Variants in BFSP2 observed in about 807,000 individuals in gnomAD.
BFSP2 encodes beaded filament structural protein 2.
BFSP2 carries 38 observed loss-of-function variants against 44.9 expected under a neutral mutation model. That is an observed-to-expected ratio of 0.85 (90% CI 0.65 to 1.11). The LOEUF (loss-of-function observed/expected upper bound fraction) is 1.11, where lower values mean the gene tolerates loss of function less well. Among genes scored for constraint, BFSP2 ranks in the 50% least tolerant of loss-of-function variants. BFSP2 has a pLI of 0.00. For missense variants in BFSP2, 525 were observed against 533.0 expected, an observed-to-expected ratio of 0.99 and a Z score of 0.15; for synonymous variants, 197 against 209.9, an observed-to-expected ratio of 0.94 and a Z score of 0.53.
rs766932682 is a variant in BFSP2, at chr3:133,400,232, T to G, written c.149T>G (p.Leu50Arg). The change falls in exon 1 of 7, where the codon CTT becomes CGT. Residue 50 changes from leucine to arginine, a missense_variant. Transcript: ENST00000302334. This position sits in a 1 kb window ranked among gnomAD's most constrained non-coding sequence, Gnocchi z 4.0. ...TCCAGGACCAATGCCATGAGTGGCC[T>G]TGTCCGAGCACCCGGGGTCTATGTA... is the stretch of plus-strand genomic sequence containing the variant. Reference protein sequence around the residue: ...PASRTNAMSGLVRAPGVYVGT... With the variant: ...PASRTNAMSGRVRAPGVYVGT... The G allele has an allele frequency of 1.2e-6, 2 of 1,613,858 alleles. No homozygotes were observed. Among genetic ancestry groups the G allele is most frequent in the African/African-American group, 2.7e-5 (2 of 74,934 alleles).
chr3:133,436,731 A>T (rs1012625980), intron 1 of BFSP2, among the ~76,000 whole-genome samples: 2 of 152,156 alleles, frequency 1.3e-5, no homozygotes, highest in Non-Finnish European at 2.9e-5. Context: ...CATTAGGTAT[A>T]TCTCCTAATG....
chr3:133,467,199 G>A (rs1033849403), intron 5 of BFSP2, among the ~76,000 whole-genome samples: 3 of 152,190 alleles, frequency 2.0e-5, no homozygotes, highest in Non-Finnish European at 2.9e-5. Context: ...AATGTTGACT[G>A]TTAACATCTG....
chr3:133,433,453 C>T (rs917595159), intron 1 of BFSP2, among the ~76,000 whole-genome samples: 1 of 152,186 alleles, frequency 6.6e-6, no homozygotes, highest in African/African-American at 2.4e-5. Flanking sequence ...ATTCAGGCCC[C>T]CTCCCTTTCC....
In BFSP2 at chr3:133,475,044, G is replaced by C; in HGVS notation, c.*72G>C. ...GCTGACCCAAGAAGTTGCTTGAGGA[G>C]CTTTCTCCTGAGCTCCAGTCCCTGC... On this transcript the variant is annotated 3_prime_UTR_variant, in exon 7 of 7. Transcript: ENST00000302334. 1 of 1,584,474 alleles carries C rather than the reference G, an allele frequency of 6.3e-7. No individual in the cohort carries two copies. The highest frequency in any genetic ancestry group is 1.7e-5 in the Admixed American group (1 of 59,986).
chr3:133,418,116 T>TTCTACTCACCCCTGTCCTCTCCCC (rs1159413514), intron 1 of BFSP2, among the ~76,000 whole-genome samples: 1 of 59,524 alleles, frequency 1.7e-5, no homozygotes, highest in East Asian at 6.0e-4. Context: ...GCCCTCTACC[T>TTCTACTCACCCCTGTCCTCTCCCC]TCTACTCACC....
At chr3:133,472,011 C>G (rs565955035) in intron 5 of BFSP2, among the ~76,000 whole-genome samples, 3 of 152,204 alleles carry the variant, frequency 2.0e-5, no homozygotes, top group East Asian at 3.9e-4. Context: ...TCATTTGTCT[C>G]TCTCAATCCC....
At chr3:133,441,987 T>TA (rs2073849598) in intron 1 of BFSP2, among the ~76,000 whole-genome samples, 1 of 152,030 alleles carries the variant, frequency 6.6e-6, no homozygotes, top group Non-Finnish European at 1.5e-5. Context: ...GAGGGACTGG[T>TA]ATGGTCCAGA....
At chr3:133,466,590 G>A (rs902935985) in intron 4 of BFSP2, among the ~76,000 whole-genome samples, 5 of 145,612 alleles carry the variant, frequency 3.4e-5, no homozygotes, top group East Asian at 2.0e-4. Context: ...CAGGAGAATC[G>A]CTTGAACCCA....
At chr3:133,415,366 A>ACTCACCCCTCTC (rs2073511525) in intron 1 of BFSP2, among the ~76,000 whole-genome samples, 4 of 11,276 alleles carry the variant, frequency 3.5e-4, no homozygotes, top group Non-Finnish European at 5.0e-4. Flanking sequence ...TCACCCCTCT[A>ACTCACCCCTCTC]CTCAACCCTG....
intron 1 of BFSP2, among the ~76,000 whole-genome samples, chr3:133,415,589 C>T (rs140682761): frequency 2.3e-5 from 2 of 88,368 alleles, no homozygotes; most frequent in Non-Finnish European, 4.7e-5. Flanking sequence ...CTCACCCCTG[C>T]CCCCTCCGCT....
Position 133,466,847 on chromosome 3 carries a change from A to T in BFSP2, c.911A>T (p.His304Leu). 1 of 1,613,828 alleles carries T rather than the reference A, an allele frequency of 6.2e-7. No individual in the cohort carries two copies. ...CCACAGCAACAGGCGGAGGTGGCCC[A>T]CATGTCCCAGACCCAGGAGGAGAAG... ...LQAKQQAEVA[H>L]MSQTQEEKLA... The change falls in exon 5 of 7, where the codon CAC (histidine) becomes CTC (leucine). Residue 304 changes from histidine (H) to leucine (L), a missense_variant. By Grantham distance (99) the His-to-Leu change is moderately conservative. Coordinates refer to ENST00000302334, the MANE Select transcript of BFSP2 (RefSeq NM_003571.4).
intron 1 of BFSP2, among the ~76,000 whole-genome samples, chr3:133,420,880 A>C (rs2073586877): frequency 6.6e-6 from 1 of 152,170 alleles, no homozygotes; most frequent in South Asian, 2.1e-4. Context: ...CCCAGAGTCT[A>C]TCTTGGCAGT....
intron 1 of BFSP2, among the ~76,000 whole-genome samples, chr3:133,443,307 G>A (rs2073863398): frequency 6.6e-6 from 1 of 152,180 alleles, no homozygotes; most frequent in African/African-American, 2.4e-5. Flanking sequence ...AAAGTCATTA[G>A]CACATACAAT....
chr3:133,456,879 G>A (rs951661178), intron 4 of BFSP2, among the ~76,000 whole-genome samples: 5 of 152,208 alleles, frequency 3.3e-5, no homozygotes, highest in Admixed American at 6.5e-5. Flanking sequence ...CCCACGAGGA[G>A]AATAGAAACC....
At chr3:133,473,347 T>A (rs947135128) in intron 6 of BFSP2, among the ~76,000 whole-genome samples, 2 of 150,030 alleles carry the variant, frequency 1.3e-5, no homozygotes, top group Non-Finnish European at 2.9e-5. Flanking sequence ...TTTGTCTTTA[T>A]CTTTGTCACC....
At chr3:133,459,261 T>C (rs2074040788) in intron 4 of BFSP2, among the ~76,000 whole-genome samples, 1 of 152,066 alleles carries the variant, frequency 6.6e-6, no homozygotes, top group Admixed American at 6.6e-5. Context: ...GGAGAACTGC[T>C]CGAACTCAGG....
At chr3:133,438,324 C>T (rs548482426) in intron 1 of BFSP2, among the ~76,000 whole-genome samples, 9 of 152,268 alleles carry the variant, frequency 5.9e-5, no homozygotes, top group East Asian at 1.9e-4. Context: ...GTTGGGAGTT[C>T]GAGACCAGCC....
chr3:133,414,817 C>A, intron 1 of BFSP2, among the ~76,000 whole-genome samples: 1 of 104,912 alleles, frequency 9.5e-6, no homozygotes, highest in Non-Finnish European at 2.0e-5. Flanking sequence ...CTACTCACTC[C>A]TACCACGTCT....
chr3:133,442,627 G>T (rs9824364), intron 1 of BFSP2, among the ~76,000 whole-genome samples: 34,907 of 151,994 alleles, frequency 0.23, 4,268 homozygotes, highest in African/African-American at 0.32. Flanking sequence ...AGCATGATGG[G>T]GACTTGCACT....
Sources: allele counts gnomAD v4.1 joint callset (sites outside exome capture counted in the v4.1 genomes callset), GRCh38; gene constraint gnomAD v4.1.1; non-coding constraint Gnocchi (gnomAD v3.1); transcripts MANE v1.5; gene names NCBI Gene and HGNC (gene_info 2026-07-23, HGNC 2026-07-21).